Variants in S100Z observed in about 807,000 individuals in gnomAD.
S100Z encodes S100 calcium binding protein Z.
In S100Z, 11 loss-of-function variants were observed where a neutral mutation model predicts 8.5. That is an observed-to-expected ratio of 1.30 (90% CI 0.82 to 2.15). S100Z has a LOEUF of 2.15. Ranked by LOEUF, S100Z falls within the 30% of genes most tolerant of loss-of-function variation. The pLI is 0.00. For missense variants in S100Z, 126 were observed against 117.9 expected, an observed-to-expected ratio of 1.07 and a Z score of -0.32; for synonymous variants, 34 against 43.8, an observed-to-expected ratio of 0.78 and a Z score of 0.89.
At chr5:76,872,796 A>G (rs1196467400) in intron 2 of S100Z, among the ~76,000 whole-genome samples, 1 of 152,126 alleles carries the variant, frequency 6.6e-6, no homozygotes, top group African/African-American at 2.4e-5. Flanking sequence ...CCCCATCTCT[A>G]CTACAAATAC....
At chr5:76,939,271 G>A in the S100Z span, among the ~76,000 whole-genome samples, 3 of 151,592 alleles carry the variant, frequency 2.0e-5, no homozygotes, top group Non-Finnish European at 4.4e-5. Flanking sequence ...TCCTGCCTCA[G>A]CCTCCCGAGT....
At chr5:76,930,262 A>G in the S100Z span, among the ~76,000 whole-genome samples, 1 of 152,246 alleles carries the variant, frequency 6.6e-6, no homozygotes, top group African/African-American at 2.4e-5. Flanking sequence ...CAGCATCTCC[A>G]GAGAAATAGC....
At chr5:76,934,537 G>A in the S100Z span, among the ~76,000 whole-genome samples, 1 of 152,174 alleles carries the variant, frequency 6.6e-6, no homozygotes, top group African/African-American at 2.4e-5. Context: ...AGTATTAAGA[G>A]GTGTGGCCCT....
chr5:76,898,755 G>A (rs1744126491), intron 4 of S100Z, among the ~76,000 whole-genome samples: 1 of 151,964 alleles, frequency 6.6e-6, no homozygotes, highest in African/African-American at 2.4e-5. Context: ...TTGCCCTGTA[G>A]TTTTCTTTTT....
In S100Z at chr5:76,909,536, A is replaced by G. The variant is rs1246742793; in HGVS notation, c.*3-11181A>G. Among the ~76,000 whole-genome samples, 4 of 152,152 alleles carry G rather than the reference A, an allele frequency of 2.6e-5. No individual in the cohort carries two copies. In the East Asian group the frequency reaches 7.7e-4, roughly 29 times the overall value. ...AAGCTTGCAATTTACATCCTACAGG[A>G]GGACCTCTCAGCTTACCCCCTTATC... On this transcript the variant is annotated intron_variant, in intron 4 of 4. Transcript: ENST00000317593.
At chr5:76,933,095 G>A in the S100Z span, among the ~76,000 whole-genome samples, 1 of 152,236 alleles carries the variant, frequency 6.6e-6, no homozygotes, top group African/African-American at 2.4e-5. Flanking sequence ...TAAAGTTTTA[G>A]AGTCCACAGT....
At chr5:76,919,096 G>A (rs1744952413) in intron 4 of S100Z, among the ~76,000 whole-genome samples, 1 of 152,174 alleles carries the variant, frequency 6.6e-6, no homozygotes, top group South Asian at 2.1e-4. Context: ...ACCCACTGAA[G>A]AACATATTGC....
chr5:76,937,967 T>C, the S100Z span, among the ~76,000 whole-genome samples: 1 of 151,902 alleles, frequency 6.6e-6, no homozygotes, highest in East Asian at 1.9e-4. Flanking sequence ...TGCACGGCGG[T>C]GCATGCCTGT....
intron 4 of S100Z, among the ~76,000 whole-genome samples, chr5:76,884,742 A>C (rs1351601644): frequency 6.6e-6 from 1 of 152,096 alleles, no homozygotes; most frequent in Non-Finnish European, 1.5e-5. Context: ...AGGGGAGGTG[A>C]TAGAAGGATT....
intron 4 of S100Z, among the ~76,000 whole-genome samples, chr5:76,919,358 A>G (rs968533791): frequency 5.9e-5 from 9 of 152,190 alleles, no homozygotes; most frequent in African/African-American, 2.2e-4. Context: ...ATTTGGTGTT[A>G]TCAGTGTTTT....
intron 3 of S100Z, among the ~76,000 whole-genome samples, chr5:76,876,857 G>C (rs1177758852): frequency 6.6e-6 from 1 of 152,184 alleles, no homozygotes; most frequent in African/African-American, 2.4e-5. Context: ...TGGAGGAAAT[G>C]AACTGCTTTT....
At chr5:76,866,264 T>C (rs1408945612) in intron 1 of S100Z, among the ~76,000 whole-genome samples, 1 of 151,918 alleles carries the variant, frequency 6.6e-6, no homozygotes, top group Non-Finnish European at 1.5e-5. Context: ...TTTGTATTTT[T>C]AGCAGAGACA....
Position 76,921,337 on chromosome 5 carries a change from CTTT to C in S100Z, c.*625_*627del, listed in dbSNP as rs1490550167. ...TTTTCTATTAATAATACTAAGGGAG[CTTT>C]TAAGTCAATACATCTGAATCTTGAA... is the stretch of plus-strand genomic sequence containing the variant. On this transcript the variant is annotated 3_prime_UTR_variant, in exon 5 of 5. Coordinates refer to ENST00000317593, the MANE Select transcript of S100Z (RefSeq NM_130772.4). 1 of 152,072 alleles carries C rather than the reference CTTT, an allele frequency of 6.6e-6. No homozygotes were observed. Among genetic ancestry groups the C allele is most frequent in the Non-Finnish European group, 1.5e-5 (1 of 68,018 alleles). 9.4% of individuals were successfully genotyped at this position (152,072 alleles called of 1,614,324 possible).
At chr5:76,861,869 A>G (rs981607290) in intron 1 of S100Z, among the ~76,000 whole-genome samples, 1 of 152,194 alleles carries the variant, frequency 6.6e-6, no homozygotes, top group African/African-American at 2.4e-5. Context: ...ATTTTCAGAG[A>G]AAGAATCTTC....
intron 1 of S100Z, among the ~76,000 whole-genome samples, chr5:76,860,323 A>G (rs1376789342): frequency 6.6e-6 from 1 of 152,158 alleles, no homozygotes; most frequent in Non-Finnish European, 1.5e-5. Context: ...CTGTGGCAGA[A>G]AACAGAGGGA....
intron 4 of S100Z, among the ~76,000 whole-genome samples, chr5:76,904,662 T>G (rs1744362534): frequency 6.6e-6 from 1 of 152,122 alleles, no homozygotes; most frequent in Non-Finnish European, 1.5e-5. Context: ...AGATAAAACA[T>G]TATGCTTTTT....
At chr5:76,910,871 G>T (rs1050483373) in intron 4 of S100Z, among the ~76,000 whole-genome samples, 2 of 152,246 alleles carry the variant, frequency 1.3e-5, no homozygotes, top group Non-Finnish European at 2.9e-5. Context: ...GGGACAGCCT[G>T]TAACCAGTTG....
At chr5:76,931,020 G>A in the S100Z span, among the ~76,000 whole-genome samples, 17 of 152,288 alleles carry the variant, frequency 1.1e-4, no homozygotes, top group African/African-American at 4.1e-4. Flanking sequence ...GGGCAGTGGG[G>A]TATGGAACAG....
chr5:76,921,928 G>A (rs1481649926), downstream of S100Z, among the ~76,000 whole-genome samples: 2 of 151,420 alleles, frequency 1.3e-5, no homozygotes, highest in Non-Finnish European at 1.5e-5. Context: ...GGCAGAGGTT[G>A]CAGTGAGCTG....
Sources: gnomAD v4.1 joint callset for allele counts (sites outside exome capture counted in the v4.1 genomes callset) on GRCh38, gnomAD v4.1.1 for gene constraint, MANE v1.5 for transcripts, NCBI Gene and HGNC (gene_info 2026-07-23, HGNC 2026-07-21) for gene names.